Variants in FILIP1L observed in about 807,000 individuals in gnomAD.
FILIP1L encodes filamin A-interacting protein 1-like.
In FILIP1L, 55 loss-of-function variants were observed where a neutral mutation model predicts 96.6. The ratio of observed to expected loss-of-function variants is 0.57; its 90% confidence interval spans 0.46 to 0.71. FILIP1L has a LOEUF of 0.71. Among genes scored for constraint, FILIP1L ranks in the 30% least tolerant of loss-of-function variants. FILIP1L has a pLI of 0.00. For missense variants in FILIP1L, 1,304 were observed against 1,321.2 expected, an observed-to-expected ratio of 0.99 and a Z score of 0.20; for synonymous variants, 467 against 473.9, an observed-to-expected ratio of 0.99 and a Z score of 0.19.
intron 1 of FILIP1L, among the ~76,000 whole-genome samples, chr3:100,005,995 G>A (rs534231635): frequency 1.3e-5 from 2 of 152,240 alleles, no homozygotes; most frequent in South Asian, 2.1e-4. Context: ...ATGGAGAATG[G>A]TAGAGAAGGG....
chr3:99,871,667 C>T (rs1370413452), intron 4 of FILIP1L, among the ~76,000 whole-genome samples: 2 of 152,132 alleles, frequency 1.3e-5, no homozygotes, highest in Non-Finnish European at 2.9e-5. Flanking sequence ...AGGGATCCTG[C>T]TAGCTGCGGA....
intron 4 of FILIP1L, among the ~76,000 whole-genome samples, chr3:99,869,027 A>G (rs535658470): frequency 1.4e-4 from 21 of 152,316 alleles, no homozygotes; most frequent in Admixed American, 1.2e-3. Flanking sequence ...ATAGAGAGGT[A>G]AAAAGAACCA....
At chr3:100,087,448 C>A (rs562562017) in intron 1 of FILIP1L, among the ~76,000 whole-genome samples, 10 of 152,290 alleles carry the variant, frequency 6.6e-5, no homozygotes, top group African/African-American at 1.9e-4. Flanking sequence ...ATAGTGGTAT[C>A]TCCTTGTGGT....
chr3:99,969,128 G>A (rs962388632), intron 1 of FILIP1L, among the ~76,000 whole-genome samples: 2 of 152,158 alleles, frequency 1.3e-5, no homozygotes, highest in African/African-American at 2.4e-5. Context: ...GGAGGGCAGG[G>A]CAGGATCTTG....
At chr3:99,901,053 G>A (rs1219876677) in intron 4 of FILIP1L, among the ~76,000 whole-genome samples, 2 of 152,120 alleles carry the variant, frequency 1.3e-5, no homozygotes, top group Admixed American at 1.3e-4. Context: ...TGGAAATACT[G>A]GATAACATTT....
rs563905673 is a variant in FILIP1L, at chr3:99,846,912, G to T, written c.3381+1383C>A. On this transcript the variant is annotated intron_variant, in intron 5 of 5. Transcript: ENST00000477258. ...GCAATAAGCTACTTTGTCTGAAATC[G>T]TCGTTTTGGAATGTGACTTGGGGAC... 1.8e-4 allele frequency among the ~76,000 whole-genome samples: 28 copies of T among 152,276 alleles called. No individual in the cohort carries two copies. In the East Asian group the frequency reaches 3.7e-3, roughly 20 times the overall value.
At chr3:100,019,380 A>G (rs2064763520) in intron 1 of FILIP1L, among the ~76,000 whole-genome samples, 1 of 152,178 alleles carries the variant, frequency 6.6e-6, no homozygotes, top group Non-Finnish European at 1.5e-5. Flanking sequence ...ATGAATTGAC[A>G]GGAGAGTAAC....
At chr3:99,991,220 AG>A (rs1231587586) in intron 1 of FILIP1L, among the ~76,000 whole-genome samples, 1 of 152,180 alleles carries the variant, frequency 6.6e-6, no homozygotes, top group East Asian at 1.9e-4. Flanking sequence ...CTTTAAGGAG[AG>A]AATGTTCTCA....
At chr3:99,956,729 TTCTTTCTCA>T (rs1472134748) in intron 1 of FILIP1L, among the ~76,000 whole-genome samples, 4 of 152,188 alleles carry the variant, frequency 2.6e-5, no homozygotes, top group Non-Finnish European at 5.9e-5. Flanking sequence ...TAGCTGTAGT[TTCTTTCTCA>T]CTATTGGTTC....
chr3:99,875,205 A>C (rs1241704154), intron 4 of FILIP1L, among the ~76,000 whole-genome samples: 2 of 152,178 alleles, frequency 1.3e-5, no homozygotes, highest in Non-Finnish European at 2.9e-5. Flanking sequence ...ATGAAGTAAA[A>C]TATTATGGAG....
chr3:99,946,575 A>C (rs1708014488), intron 1 of FILIP1L, among the ~76,000 whole-genome samples: 1 of 152,220 alleles, frequency 6.6e-6, no homozygotes, highest in Non-Finnish European at 1.5e-5. Context: ...ACAGACTGTT[A>C]ATCTGAAAAA....
chr3:99,836,638 G>A (rs1427181110), intron 5 of FILIP1L, among the ~76,000 whole-genome samples: 1 of 152,108 alleles, frequency 6.6e-6, no homozygotes, highest in East Asian at 1.9e-4. Context: ...CCTACCATGT[G>A]CCCACATCCT....
chr3:99,939,501 TGC>T (rs1464565482), intron 1 of FILIP1L, among the ~76,000 whole-genome samples: 4 of 152,354 alleles, frequency 2.6e-5, no homozygotes, highest in African/African-American at 9.6e-5. Context: ...ATTTTGATTG[TGC>T]CCCTTCAGCC....
chr3:99,858,250 G>C (rs1351015555), intron 4 of FILIP1L, among the ~76,000 whole-genome samples: 1 of 152,138 alleles, frequency 6.6e-6, no homozygotes, highest in East Asian at 1.9e-4. Flanking sequence ...CGGATCATGA[G>C]GTGAGGAGAT....
intron 1 of FILIP1L, among the ~76,000 whole-genome samples, chr3:100,035,999 A>G (rs753906928): frequency 2.7e-4 from 41 of 152,220 alleles, no homozygotes; most frequent in Non-Finnish European, 5.4e-4. Context: ...CTGGGATAAT[A>G]ATGTTTACTA....
intron 1 of FILIP1L, among the ~76,000 whole-genome samples, chr3:99,932,383 C>A (rs1213472950): frequency 1.3e-5 from 2 of 151,708 alleles, no homozygotes; most frequent in Non-Finnish European, 2.9e-5. Context: ...TTTTGAGATT[C>A]TTCCTTGTTC....
chr3:99,931,576 T>C (rs745698411), intron 1 of FILIP1L, among the ~76,000 whole-genome samples: 118 of 152,318 alleles, frequency 7.7e-4, no homozygotes, highest in Non-Finnish European at 1.3e-3. Context: ...TGCATTATTT[T>C]GTTTTGAAGG....
chr3:100,012,071 A>G (rs1470980618), intron 1 of FILIP1L, among the ~76,000 whole-genome samples: 1 of 152,330 alleles, frequency 6.6e-6, no homozygotes, highest in Admixed American at 6.5e-5. Context: ...TGTGGTAAGC[A>G]AGGGATGAAT....
chr3:99,831,991 C>T (rs1942684209), intron 5 of FILIP1L, among the ~76,000 whole-genome samples: 1 of 152,142 alleles, frequency 6.6e-6, no homozygotes, highest in Non-Finnish European at 1.5e-5. Flanking sequence ...ATTGGTGGAG[C>T]TCGTTTCTTT....
Sources: gnomAD v4.1 joint callset for allele counts (sites outside exome capture counted in the v4.1 genomes callset) on GRCh38, gnomAD v4.1.1 for gene constraint, MANE v1.5 for transcripts, NCBI Gene and HGNC (gene_info 2026-07-23, HGNC 2026-07-21) for gene names.